The following CNTN5 variants were observed in gnomAD, a reference collection of about 807,000 sequenced individuals.
CNTN5 encodes the protein contactin-5.
In CNTN5, 77 loss-of-function variants were observed where a neutral mutation model predicts 129.1. The ratio of observed to expected loss-of-function variants is 0.60; its 90% CI spans 0.50 to 0.72. The LOEUF (loss-of-function observed/expected upper bound fraction) is 0.72. Among genes scored for constraint, CNTN5 ranks in the 30% least tolerant of loss-of-function variants. The pLI, the probability that CNTN5 is intolerant of heterozygous loss-of-function variation, is 0.00. For missense variants in CNTN5, 1,478 were observed against 1,328.8 expected (o/e 1.11, Z -1.75); for synonymous variants, 509 against 465.6 (o/e 1.09, Z -1.20).
intron 3 of CNTN5, among the ~76,000 whole-genome samples, chr11:99,561,541 G>A (rs1170277596): frequency 6.6e-6 from 1 of 152,098 alleles, no homozygotes; most frequent in East Asian, 1.9e-4. Flanking sequence ...AAAGAGTACA[G>A]AATGGGAAAT....
intron 16 of CNTN5, among the ~76,000 whole-genome samples, chr11:100,247,399 C>A (rs1233092893): frequency 1.3e-5 from 2 of 152,040 alleles, no homozygotes; most frequent in Non-Finnish European, 2.9e-5. Context: ...TCTTGACTAC[C>A]CCTGGTATAA....
At chr11:99,668,727 A>C (rs1178042207) in intron 3 of CNTN5, among the ~76,000 whole-genome samples, 1 of 152,160 alleles carries the variant, frequency 6.6e-6, no homozygotes, top group Non-Finnish European at 1.5e-5. Context: ...TGAGAAATTC[A>C]AAACTAGCCT....
At chr11:100,086,368 T>G (rs933291128) in intron 13 of CNTN5, among the ~76,000 whole-genome samples, 4 of 150,804 alleles carry the variant, frequency 2.7e-5, no homozygotes, top group Non-Finnish European at 5.9e-5. Flanking sequence ...AGGAAACTTC[T>G]GGTATCAAAA....
rs146864691 is a variant in CNTN5, at chr11:100,004,962, G to A, written c.980+2826G>A. Among the ~76,000 whole-genome samples the A allele has an allele frequency of 4.5e-3, 687 of 152,280 alleles. 8 individuals are homozygous for A. Among genetic ancestry groups the A allele is most frequent in the Middle Eastern group, 0.041 (12 of 294 alleles). ...CAAACAGAAGCCACTCTACAAGCCT[G>A]CGGATGCAATTGTCAGTTCACAAGG... On this transcript the variant is annotated intron_variant, in intron 9 of 24. Coordinates refer to ENST00000524871, the MANE Select transcript of CNTN5 (RefSeq NM_014361.4).
chr11:99,951,571 G>T (rs913515545), intron 7 of CNTN5, among the ~76,000 whole-genome samples: 7 of 152,094 alleles, frequency 4.6e-5, no homozygotes, highest in Non-Finnish European at 8.8e-5. Flanking sequence ...CTCTGATAGG[G>T]ATTGGACTAC....
chr11:99,549,930 A>G (rs1424811262), intron 2 of CNTN5, among the ~76,000 whole-genome samples: 1 of 152,146 alleles, frequency 6.6e-6, no homozygotes, highest in Non-Finnish European at 1.5e-5. Context: ...CTACTCTTAT[A>G]TTTTAAATAA....
chr11:99,735,952 A>G (rs939595150), intron 3 of CNTN5, among the ~76,000 whole-genome samples: 1 of 152,114 alleles, frequency 6.6e-6, no homozygotes. Context: ...CCAGCCCCTG[A>G]CAACCACCGT....
chr11:99,929,134 C>G (rs974664716), intron 7 of CNTN5, among the ~76,000 whole-genome samples: 6 of 152,166 alleles, frequency 3.9e-5, no homozygotes, highest in African/African-American at 9.7e-5. Flanking sequence ...CAGTTCCCAA[C>G]AAGTTCCTCA....
chr11:100,189,027 T>C (rs1948390066), intron 13 of CNTN5, among the ~76,000 whole-genome samples: 1 of 151,934 alleles, frequency 6.6e-6, no homozygotes, highest in Non-Finnish European at 1.5e-5. Flanking sequence ...AGGTAAACAA[T>C]GGAACTCATG....
chr11:100,242,963 C>G (rs1949772782), intron 16 of CNTN5, among the ~76,000 whole-genome samples: 1 of 152,100 alleles, frequency 6.6e-6, no homozygotes, highest in African/African-American at 2.4e-5. Flanking sequence ...TAAGACAGAC[C>G]AGCAGATACC....
intron 6 of CNTN5, among the ~76,000 whole-genome samples, chr11:99,913,688 A>T (rs528333762): frequency 5.4e-4 from 82 of 152,140 alleles, no homozygotes; most frequent in African/African-American, 1.9e-3. Context: ...TTGTGTGTTT[A>T]ATTTCTAGGG....
intron 19 of CNTN5, among the ~76,000 whole-genome samples, chr11:100,298,308 C>T (rs1951139215): frequency 6.6e-6 from 1 of 151,224 alleles, no homozygotes; most frequent in Admixed American, 6.6e-5. Context: ...TGTCCATTCC[C>T]CCTTTTCTTC....
chr11:99,817,110 CT>C (rs979962293), intron 3 of CNTN5, among the ~76,000 whole-genome samples: 1 of 152,110 alleles, frequency 6.6e-6, no homozygotes, highest in East Asian at 1.9e-4. Context: ...TGAATACTGC[CT>C]TTTTTCCCCA....
intron 3 of CNTN5, among the ~76,000 whole-genome samples, chr11:99,570,739 A>T (rs1236077518): frequency 6.6e-6 from 1 of 152,216 alleles, no homozygotes; most frequent in Non-Finnish European, 1.5e-5. Context: ...AATATCTAAT[A>T]GGAATAATTC....
At chr11:99,878,740 C>T (rs1014483758) in intron 6 of CNTN5, among the ~76,000 whole-genome samples, 1 of 151,928 alleles carries the variant, frequency 6.6e-6, no homozygotes, top group Non-Finnish European at 1.5e-5. Flanking sequence ...CCTGTAGTCC[C>T]GCTACTAGGG....
At chr11:99,137,529 A>T (rs960051745) in intron 1 of CNTN5, among the ~76,000 whole-genome samples, 1 of 152,154 alleles carries the variant, frequency 6.6e-6, no homozygotes, top group African/African-American at 2.4e-5. Context: ...CAACCTATGA[A>T]GACCCAACAG....
At chr11:99,968,188 G>T (rs574322383) in intron 8 of CNTN5, among the ~76,000 whole-genome samples, 1 of 152,120 alleles carries the variant, frequency 6.6e-6, no homozygotes, top group Non-Finnish European at 1.5e-5. Flanking sequence ...GAGTTAGATA[G>T]TGTAGTAGAG....
chr11:99,489,378 T>C (rs1053167047), intron 2 of CNTN5, among the ~76,000 whole-genome samples: 1 of 152,200 alleles, frequency 6.6e-6, no homozygotes, highest in African/African-American at 2.4e-5. Flanking sequence ...GTGAAGCTGT[T>C]AAAACAATGA....
chr11:99,481,217 C>A (rs1236836792), intron 2 of CNTN5, among the ~76,000 whole-genome samples: 2 of 152,052 alleles, frequency 1.3e-5, no homozygotes, highest in Non-Finnish European at 2.9e-5. Context: ...TTAAAATTTT[C>A]ATCTTTGGAA....
Sources: allele counts gnomAD v4.1 joint callset (sites outside exome capture counted in the v4.1 genomes callset), GRCh38; gene constraint gnomAD v4.1.1; transcripts MANE v1.5; gene names NCBI Gene and HGNC (gene_info 2026-07-23, HGNC 2026-07-21).